Variants in GMDS observed in about 807,000 individuals in gnomAD.
GMDS encodes GDP-mannose 4,6-dehydratase, also known as GDP-mannose 4,6 dehydratase.
In GMDS, 20 loss-of-function variants were observed where a neutral mutation model predicts 49.9. The ratio of observed to expected loss-of-function variants is 0.40; its 90% CI spans 0.28 to 0.58. GMDS has a LOEUF of 0.58. Among genes scored for constraint, GMDS ranks in the 20% least tolerant of loss-of-function variants. The probability of loss-of-function intolerance (pLI) is 0.42; values close to 1 mark genes in which losing one functional copy is unlikely to be tolerated. For missense variants in GMDS, 362 were observed against 481.4 expected, an observed-to-expected ratio of 0.75 and a Z score of 2.32; for synonymous variants, 177 against 178.6, an observed-to-expected ratio of 0.99 and a Z score of 0.07.
chr6:1,687,838 G>A (rs1765033347), intron 9 of GMDS, among the ~76,000 whole-genome samples: 1 of 152,108 alleles, frequency 6.6e-6, no homozygotes, highest in African/African-American at 2.4e-5. Flanking sequence ...AGAGGGCATG[G>A]GGGTAAGAGG....
intron 7 of GMDS, among the ~76,000 whole-genome samples, chr6:1,905,278 C>A (rs1760701070): frequency 6.6e-6 from 1 of 152,284 alleles, no homozygotes. Flanking sequence ...TCAAAGGTGC[C>A]TGTGCATCTG....
intron 4 of GMDS, among the ~76,000 whole-genome samples, chr6:2,056,676 A>G (rs1393952290): frequency 1.3e-5 from 2 of 152,198 alleles, no homozygotes; most frequent in Non-Finnish European, 2.9e-5. Flanking sequence ...TAGAATATAG[A>G]GATATGCACA....
At chr6:2,122,533 T>G (rs1053683937) in intron 2 of GMDS, among the ~76,000 whole-genome samples, 1 of 145,798 alleles carries the variant, frequency 6.9e-6, no homozygotes, top group Non-Finnish European at 1.5e-5. Context: ...CTGCAGCTGA[T>G]AATTTGGGAA....
chr6:2,140,750 CA>C (rs1240653972), intron 1 of GMDS, among the ~76,000 whole-genome samples: 23 of 152,182 alleles, frequency 1.5e-4, no homozygotes, highest in Admixed American at 1.5e-3. Context: ...TCAAACAATG[CA>C]AAAACGATCG....
chr6:1,729,981 T>C (rs1166045031), intron 8 of GMDS, among the ~76,000 whole-genome samples: 1 of 146,356 alleles, frequency 6.8e-6, no homozygotes, highest in Non-Finnish European at 1.5e-5. Flanking sequence ...CCTAAGTTGG[T>C]GGGGGCGGGG....
chr6:1,710,284 G>A (rs1182436211), intron 9 of GMDS, among the ~76,000 whole-genome samples: 1 of 152,198 alleles, frequency 6.6e-6, no homozygotes, highest in African/African-American at 2.4e-5. Flanking sequence ...TTCCTGAGAA[G>A]CTTAACCACA....
intron 1 of GMDS, among the ~76,000 whole-genome samples, chr6:2,195,443 G>A (rs1229126202): frequency 6.6e-6 from 1 of 152,014 alleles, no homozygotes; most frequent in Non-Finnish European, 1.5e-5. Context: ...TGAGAACTGT[G>A]ATAATTTTCT....
rs12179377 is a variant in GMDS at position 2,068,339 on chromosome 6, C to T, written c.345+47432G>A. The stretch of plus-strand genomic sequence containing the variant: ...GAATGGGCAAAAACTGGAAGCATTC[C>T]CTTTGAAAACTGGCACAAGACAGGG... On this transcript the variant is annotated intron_variant, in intron 4 of 10. Coordinates refer to ENST00000380815, the MANE Select transcript of GMDS (RefSeq NM_001500.4). 7.1e-3 allele frequency among the ~76,000 whole-genome samples: 1,063 copies of T among 150,362 alleles called. 13 individuals are homozygous for T. The highest frequency in any genetic ancestry group is 0.025 in the African/African-American group (1,009 of 41,172).
chr6:2,066,263 G>A (rs1408883410), intron 4 of GMDS, among the ~76,000 whole-genome samples: 1 of 150,138 alleles, frequency 6.7e-6, no homozygotes, highest in Admixed American at 6.7e-5. Context: ...AGCTCCTGAA[G>A]AAAGCGCTAA....
At chr6:1,652,138 G>A (rs1053406683) in intron 9 of GMDS, among the ~76,000 whole-genome samples, 33 of 150,636 alleles carry the variant, frequency 2.2e-4, no homozygotes, top group African/African-American at 7.3e-4. Context: ...TTTGGGAGGC[G>A]AGGCGGGTGG....
At chr6:1,626,002 C>A (rs900515209) in intron 9 of GMDS, 25 of 152,256 alleles carry the variant, frequency 1.6e-4, no homozygotes, top group African/African-American at 5.8e-4. Flanking sequence ...GAAAGCCTTT[C>A]CTGCTTATTT....
chr6:2,172,186 A>G (rs1050316976), intron 1 of GMDS, among the ~76,000 whole-genome samples: 1 of 152,306 alleles, frequency 6.6e-6, no homozygotes, highest in African/African-American at 2.4e-5. Context: ...AATATTAAAG[A>G]CAAAGTCTCT....
intron 4 of GMDS, among the ~76,000 whole-genome samples, chr6:2,071,629 C>G (rs1208340933): frequency 6.6e-6 from 1 of 150,846 alleles, no homozygotes; most frequent in Non-Finnish European, 1.5e-5. Context: ...TCTTCCTCAA[C>G]ATTTAACAAC....
chr6:1,810,280 C>T (rs73409353), intron 7 of GMDS, among the ~76,000 whole-genome samples: 1,589 of 152,046 alleles, frequency 0.01, 23 homozygotes, highest in African/African-American at 0.036. Context: ...AGGCAGGGGG[C>T]AGAGGAGAAG....
intron 9 of GMDS, among the ~76,000 whole-genome samples, chr6:1,695,131 T>C (rs1765294072): frequency 6.6e-6 from 1 of 152,172 alleles, no homozygotes; most frequent in South Asian, 2.1e-4. Context: ...TTTACTTGGA[T>C]TGACAAATGC....
intron 1 of GMDS, among the ~76,000 whole-genome samples, chr6:2,202,435 A>AT (rs1327810656): frequency 0.025 from 792 of 31,120 alleles, 4 homozygotes; most frequent in Non-Finnish European, 0.034. Context: ...ATTTCTTTCT[A>AT]TTTTTTTTTT....
chr6:1,781,926 G>A (rs759296519), intron 7 of GMDS, among the ~76,000 whole-genome samples: 5 of 151,774 alleles, frequency 3.3e-5, no homozygotes, highest in South Asian at 2.1e-4. Flanking sequence ...ACGAGCAGGA[G>A]TAAAGTGGGC....
At chr6:2,186,798 T>TG (rs1401029414) in intron 1 of GMDS, among the ~76,000 whole-genome samples, 2 of 152,342 alleles carry the variant, frequency 1.3e-5, no homozygotes, top group East Asian at 3.9e-4. Context: ...CTCTCACTGT[T>TG]GGAGTTTAAA....
At chr6:1,695,399 A>T (rs1765303903) in intron 9 of GMDS, among the ~76,000 whole-genome samples, 1 of 152,236 alleles carries the variant, frequency 6.6e-6, no homozygotes, top group Non-Finnish European at 1.5e-5. Context: ...AATCATAGTT[A>T]TCTTAATGCA....
Sources: gnomAD v4.1 joint callset for allele counts (sites outside exome capture counted in the v4.1 genomes callset) on GRCh38, gnomAD v4.1.1 for gene constraint, MANE v1.5 for transcripts, NCBI Gene and HGNC (gene_info 2026-07-23, HGNC 2026-07-21) for gene names.